Variants in SDK1 observed in about 807,000 individuals in gnomAD.
SDK1 encodes sidekick cell adhesion molecule 1.
SDK1 carries 157 observed loss-of-function variants against 245.5 expected under a neutral mutation model. The observed-to-expected ratio is 0.64, with a 90% CI of 0.56 to 0.73. SDK1 has a LOEUF of 0.73. Among genes scored for constraint, SDK1 ranks in the 30% least tolerant of loss-of-function variants. The pLI is 0.00. For missense variants in SDK1, 3,583 were observed against 3,002.3 expected (o/e 1.19, Z -4.52); for synonymous variants, 1,647 against 1,278.5 (o/e 1.29, Z -6.15).
intron 1 of SDK1, among the ~76,000 whole-genome samples, chr7:3,334,968 G>C (rs541470949): frequency 6.6e-6 from 1 of 152,074 alleles, no homozygotes; most frequent in African/African-American, 2.4e-5. Context: ...AAATCTTGGA[G>C]TTATCCTTCA....
At chr7:4,247,927 A>T (rs1196955252) in intron 44 of SDK1, among the ~76,000 whole-genome samples, 3 of 152,092 alleles carry the variant, frequency 2.0e-5, no homozygotes, top group Non-Finnish European at 4.4e-5. Flanking sequence ...AAGGGGAGGG[A>T]GGCATCCAGG....
At chr7:3,735,215 A>G (rs748699733) in intron 4 of SDK1, among the ~76,000 whole-genome samples, 11 of 152,194 alleles carry the variant, frequency 7.2e-5, no homozygotes, top group Non-Finnish European at 1.0e-4. Flanking sequence ...ACCATTTTAT[A>G]TATAATTCAA....
Position 3,852,292 on chromosome 7 carries a change from A to G in SDK1, c.847+30709A>G, listed in dbSNP as rs535759752. Among the ~76,000 whole-genome samples the G allele has an allele frequency of 1.4e-4, 21 of 151,956 alleles. No homozygotes were observed. In the South Asian group the frequency reaches 4.4e-3, roughly 32 times the overall value. ...AAAACTGGCCAGCCGAGAGCGACGG[A>G]TGGCACCAGGCCTTTGAAGGGTAGC... On this transcript the variant is annotated intron_variant, in intron 5 of 44. Transcript: ENST00000404826.
chr7:3,317,022 G>A (rs1779680233), intron 1 of SDK1, among the ~76,000 whole-genome samples: 1 of 151,284 alleles, frequency 6.6e-6, no homozygotes, highest in Admixed American at 6.6e-5. Flanking sequence ...TCTACACAAC[G>A]TACAAAAACT....
At chr7:4,036,658 T>A (rs1335511086) in intron 17 of SDK1, among the ~76,000 whole-genome samples, 1 of 152,178 alleles carries the variant, frequency 6.6e-6, no homozygotes, top group Non-Finnish European at 1.5e-5. Context: ...TAGGAGATGG[T>A]GCCTTTGAGG....
chr7:3,481,513 G>A (rs1416032649), intron 1 of SDK1, among the ~76,000 whole-genome samples: 1 of 152,210 alleles, frequency 6.6e-6, no homozygotes, highest in Non-Finnish European at 1.5e-5. Context: ...CTCCTGCCTG[G>A]TGGCTACCAA....
rs1323113495 is a variant in SDK1, at chr7:3,824,005, A to G, written c.847+2422A>G. 2.6e-5 allele frequency among the ~76,000 whole-genome samples: 4 copies of G among 151,414 alleles called. No individual in the cohort carries two copies. The South Asian group carries it at 8.3e-4, about 32-fold the overall frequency. ...AAAAGTTTTATTTTGAAAACCTCTA[A>G]AAGTCAGAAGTCTTGATTAATCTGC... is the stretch of plus-strand genomic sequence containing the variant. On this transcript the variant is annotated intron_variant, in intron 5 of 44. Transcript: ENST00000404826.
intron 35 of SDK1, among the ~76,000 whole-genome samples, chr7:4,197,316 A>AAAAAGAAAAG (rs1554257982): frequency 0.064 from 9,669 of 149,956 alleles, 347 homozygotes; most frequent in Admixed American, 0.085. Context: ...AAAGAAAAAG[A>AAAAAGAAAAG]AAAGAAAGAA....
intron 4 of SDK1, among the ~76,000 whole-genome samples, chr7:3,663,429 A>G (rs936349475): frequency 1.3e-5 from 2 of 152,162 alleles, no homozygotes; most frequent in African/African-American, 4.8e-5. Context: ...CTTGCGATGT[A>G]TCTTCTCGAC....
Position 4,234,584 on chromosome 7 carries a change from G to A in SDK1, c.5992+1165G>A, listed in dbSNP as rs115736700. Among the ~76,000 whole-genome samples the A allele has an allele frequency of 6.5e-3, 995 of 152,264 alleles. 9 individuals are homozygous for A. Among genetic ancestry groups the A allele is most frequent in the African/African-American group, 0.018 (748 of 41,548 alleles). ...GTGGGGGAGCTGGAGAGGGAGGGCC[G>A]GCAAAGCTGGTCCCTGGTTGTGGCC... On this transcript the variant is annotated intron_variant, in intron 41 of 44. Transcript: ENST00000404826.
intron 5 of SDK1, among the ~76,000 whole-genome samples, chr7:3,836,837 A>G (rs531940828): frequency 2.0e-5 from 3 of 152,256 alleles, no homozygotes; most frequent in African/African-American, 7.2e-5. Context: ...TCATTTTCTC[A>G]GTTCTGAAAA....
chr7:4,185,889 G>C (rs942176044), intron 35 of SDK1, among the ~76,000 whole-genome samples: 1 of 151,848 alleles, frequency 6.6e-6, no homozygotes, highest in Non-Finnish European at 1.5e-5. Context: ...GGGAGGGGAG[G>C]GGAGTAACAA....
chr7:4,024,014 A>G (rs1787139473), intron 17 of SDK1, among the ~76,000 whole-genome samples: 1 of 152,228 alleles, frequency 6.6e-6, no homozygotes, highest in South Asian at 2.1e-4. Flanking sequence ...CCAGAGACAA[A>G]TTATGCTATA....
intron 22 of SDK1, among the ~76,000 whole-genome samples, chr7:4,085,283 T>A (rs565582640): frequency 1.2e-4 from 18 of 152,330 alleles, no homozygotes; most frequent in African/African-American, 4.1e-4. Context: ...TAACAGAGAC[T>A]ACTGAATGAA....
chr7:4,114,229 G>T lies in SDK1; in HGVS notation c.3778G>T (p.Ala1260Ser), dbSNP rs775983773. 6.2e-7 allele frequency: 1 copy of T among 1,612,898 alleles called. No homozygotes were observed. Among genetic ancestry groups the T allele is most frequent in the Non-Finnish European group, 8.5e-7 (1 of 1,179,734 alleles). The part of the protein sequence containing the change: ...LQMQAFNAVG[A>S]GPWSEVVRGR... ...GATGCAGGCCTTCAACGCCGTCGGGGCTGGGCCGTGGAGCGAGGTGGTGCG... is the reference window on the plus strand; with the variant it reads ...GATGCAGGCCTTCAACGCCGTCGGGTCTGGGCCGTGGAGCGAGGTGGTGCG... Residue 1260 changes from alanine to serine, a missense_variant, in exon 25 of 45, where the codon GCT becomes TCT. Coordinates refer to ENST00000404826, the MANE Select transcript of SDK1 (RefSeq NM_152744.4).
chr7:3,363,948 T>A (rs1781019541), intron 1 of SDK1, among the ~76,000 whole-genome samples: 1 of 152,218 alleles, frequency 6.6e-6, no homozygotes, highest in African/African-American at 2.4e-5. Flanking sequence ...CAGTTTCACA[T>A]CCTCATCATT....
rs1285153577 is a variant in SDK1 at position 4,174,257 on chromosome 7, G to A, written c.4836G>A (p.Gln1612=). ...ACGAAAGCCTGAATGGCCTTCTTCA[G>A]GGATACAGGATCTACTACAGGGAGC... ...PRDESLNGLL[Q]GYRIYYRELE... The change falls in exon 33 of 45, where the codon CAG becomes CAA. Residue 1612 remains glutamine (Q), a synonymous_variant. Coordinates refer to ENST00000404826, the MANE Select transcript of SDK1 (RefSeq NM_152744.4). The A allele has an allele frequency of 6.2e-7, 1 of 1,614,092 alleles. No individual in the cohort carries two copies. Among genetic ancestry groups the A allele is most frequent in the Non-Finnish European group, 8.5e-7 (1 of 1,179,960 alleles).
At chr7:3,955,354 C>G (rs551708581) in intron 7 of SDK1, among the ~76,000 whole-genome samples, 54 of 152,200 alleles carry the variant, frequency 3.5e-4, no homozygotes, top group Non-Finnish European at 6.3e-4. Context: ...TCTGCTGTCC[C>G]CTGTGCCTCC....
intron 4 of SDK1, among the ~76,000 whole-genome samples, chr7:3,741,946 A>C (rs1779485922): frequency 6.8e-6 from 1 of 147,586 alleles, no homozygotes; most frequent in African/African-American, 2.5e-5. Flanking sequence ...TACCCTGTCT[A>C]TTTTTTTGAG....
Sources: allele counts gnomAD v4.1 joint callset (sites outside exome capture counted in the v4.1 genomes callset), GRCh38; gene constraint gnomAD v4.1.1; transcripts MANE v1.5; gene names NCBI Gene and HGNC (gene_info 2026-07-23, HGNC 2026-07-21).